Variants in WNT3 observed in about 807,000 individuals in gnomAD.
WNT3 encodes the protein Wnt family member 3.
A neutral mutation model predicts 34.2 loss-of-function variants in WNT3; 7 were observed. That is an observed-to-expected ratio of 0.20 (90% CI 0.12 to 0.38). The LOEUF (loss-of-function observed/expected upper bound fraction) is 0.38, where lower values mean the gene tolerates loss of function less well. Among genes scored for constraint, WNT3 ranks in the 10% least tolerant of loss-of-function variants. WNT3 has a pLI of 1.00. For missense variants in WNT3, 267 were observed against 499.8 expected (o/e 0.53, Z 4.44); for synonymous variants, 212 against 211.5 (o/e 1.00, Z -0.02).
At chr17:46,789,942 T>G (rs1429731383) in intron 1 of WNT3, among the ~76,000 whole-genome samples, 1 of 152,144 alleles carries the variant, frequency 6.6e-6, no homozygotes, top group Non-Finnish European at 1.5e-5. Flanking sequence ...CAGGAGGGCT[T>G]CTTTGCGCCT....
Position 46,818,648 on chromosome 17 carries a change from C to A in WNT3, c.-51G>T, listed in dbSNP as rs1270886547. 1.5e-5 allele frequency: 22 copies of A among 1,488,618 alleles called. No homozygotes were observed. Among genetic ancestry groups the A allele is most frequent in the Non-Finnish European group, 1.9e-5 (21 of 1,086,846 alleles). The allele number at this position is 1,488,618 out of a possible 1,614,324, so 92.2% of individuals were successfully genotyped here. A position where few individuals can be genotyped will look rare whatever the true frequency, so the allele number is the denominator to read the frequency against. On this transcript the variant is annotated 5_prime_UTR_variant, in exon 1 of 5. Coordinates refer to ENST00000225512, the MANE Select transcript of WNT3 (RefSeq NM_030753.5). Reference sequence around the variant, plus strand: ...TGCCCGCGACCATGAAGAGGGGGAGCGACGCCCCCAATAGTTGGAACAAAG... The same window carrying A: ...TGCCCGCGACCATGAAGAGGGGGAGAGACGCCCCCAATAGTTGGAACAAAG...
chr17:46,814,911 C>T (rs1598802361), intron 1 of WNT3, among the ~76,000 whole-genome samples: 3 of 152,136 alleles, frequency 2.0e-5, no homozygotes, highest in South Asian at 2.1e-4. Context: ...CCTGGGATGG[C>T]GAGAACTCAG....
intron 1 of WNT3, among the ~76,000 whole-genome samples, chr17:46,794,500 CA>C (rs1287698490): frequency 6.6e-6 from 1 of 152,156 alleles, no homozygotes; most frequent in African/African-American, 2.4e-5. Flanking sequence ...GCTGAGGAGC[CA>C]AAGAACATAG....
chr17:46,784,215 T>A (rs1396349955), intron 1 of WNT3, among the ~76,000 whole-genome samples: 2 of 152,004 alleles, frequency 1.3e-5, no homozygotes, highest in Non-Finnish European at 2.9e-5. Context: ...AGGAGGAAAG[T>A]ATGGCCAAAG....
At chr17:46,770,429 AC>A (rs1313692991) in intron 2 of WNT3, among the ~76,000 whole-genome samples, 4 of 152,090 alleles carry the variant, frequency 2.6e-5, no homozygotes, top group African/African-American at 4.8e-5. Context: ...TCCAGAGACC[AC>A]CCTGCACAGG....
intron 1 of WNT3, among the ~76,000 whole-genome samples, chr17:46,814,592 C>T (rs1243000831): frequency 6.6e-6 from 1 of 152,240 alleles, no homozygotes; most frequent in Admixed American, 6.5e-5. Context: ...GTCTGTCTGT[C>T]TGTCTGTCTG....
At chr17:46,771,728 G>A (rs2059373159) in intron 2 of WNT3, among the ~76,000 whole-genome samples, 1 of 139,572 alleles carries the variant, frequency 7.2e-6, no homozygotes, top group South Asian at 2.2e-4. Flanking sequence ...GCGCCGGGCC[G>A]CGAAATCCCC....
chr17:46,800,138 T>A (rs2084105743), intron 1 of WNT3, among the ~76,000 whole-genome samples: 2 of 151,886 alleles, frequency 1.3e-5, no homozygotes, highest in Admixed American at 1.3e-4. Context: ...GGAGATGGAG[T>A]CTCACTGTGT....
At chr17:46,798,025 T>A (rs935308948) in intron 1 of WNT3, among the ~76,000 whole-genome samples, 1 of 152,152 alleles carries the variant, frequency 6.6e-6, no homozygotes, top group Admixed American at 6.5e-5. Context: ...GCCTCCTGGA[T>A]TCAAGCGATT....
At chr17:46,802,574 A>G (rs1019196901) in intron 1 of WNT3, among the ~76,000 whole-genome samples, 1 of 152,060 alleles carries the variant, frequency 6.6e-6, no homozygotes, top group Non-Finnish European at 1.5e-5. Context: ...GGCCAAGATT[A>G]GAGGGTTGGA....
chr17:46,798,048 C>A lies in WNT3; in HGVS notation c.80+20470G>T, dbSNP rs182365981. 1.4e-3 allele frequency among the ~76,000 whole-genome samples: 206 copies of A among 152,292 alleles called. 2 individuals are homozygous for A. In the East Asian group the frequency reaches 0.029, roughly 22 times the overall value. ...GATTCAAGCGATTCTCCTGCCTCAG[C>A]CTCCCGAGTAGCTAGGACCACAGGC... On this transcript the variant is annotated intron_variant, in intron 1 of 4. Transcript: ENST00000225512.
intron 4 of WNT3, among the ~76,000 whole-genome samples, chr17:46,765,283 C>G (rs1220079360): frequency 5.3e-5 from 8 of 152,200 alleles, no homozygotes; most frequent in Admixed American, 5.2e-4. Context: ...GTAACAGATC[C>G]AGGACTTGGG....
intron 1 of WNT3, among the ~76,000 whole-genome samples, chr17:46,782,796 A>G (rs372353056): frequency 4.1e-4 from 63 of 152,296 alleles, no homozygotes; most frequent in African/African-American, 1.5e-3. Context: ...TTGTGACAAA[A>G]CCAGAGAAAC....
chr17:46,812,605 T>C (rs543557127), intron 1 of WNT3, among the ~76,000 whole-genome samples: 1 of 152,212 alleles, frequency 6.6e-6, no homozygotes, highest in Admixed American at 6.5e-5. Flanking sequence ...AGCAACCTTC[T>C]CTACCCTGCC....
At chr17:46,770,880 G>A (rs1355860879) in intron 2 of WNT3, among the ~76,000 whole-genome samples, 1 of 152,224 alleles carries the variant, frequency 6.6e-6, no homozygotes, top group Non-Finnish European at 1.5e-5. Flanking sequence ...GGACATTGAC[G>A]ATTAGGGAGG....
intron 1 of WNT3, among the ~76,000 whole-genome samples, chr17:46,799,396 T>C (rs1403070238): frequency 6.6e-6 from 1 of 152,028 alleles, no homozygotes; most frequent in African/African-American, 2.4e-5. Context: ...TTAGATGACC[T>C]GTAGAACATC....
chr17:46,769,717 G>C (rs1174452721), intron 3 of WNT3, 66 bp downstream of exon 3: 5 of 1,590,796 alleles, frequency 3.1e-6, no homozygotes, highest in East Asian at 4.5e-5. Flanking sequence ...GTGGGGGCCA[G>C]GGCAGCTCCG....
chr17:46,811,247 T>C (rs1045482740), intron 1 of WNT3, among the ~76,000 whole-genome samples: 3 of 101,164 alleles, frequency 3.0e-5, no homozygotes, highest in African/African-American at 9.0e-5. Flanking sequence ...TAAGCGGCCT[T>C]AGGTGTCATC....
chr17:46,790,461 C>G (rs1220640816), intron 1 of WNT3, among the ~76,000 whole-genome samples: 3 of 152,074 alleles, frequency 2.0e-5, no homozygotes, highest in Non-Finnish European at 4.4e-5. Context: ...CCCTCCCTCC[C>G]TCAAGGTTGA....
Sources: gnomAD v4.1 joint callset for allele counts (sites outside exome capture counted in the v4.1 genomes callset) on GRCh38, gnomAD v4.1.1 for gene constraint, MANE v1.5 for transcripts, NCBI Gene and HGNC (gene_info 2026-07-23, HGNC 2026-07-21) for gene names.